NPAS3: variants seen among roughly 807,000 people sequenced by gnomAD.
The protein encoded by NPAS3 is neuronal PAS domain-containing protein 3.
A neutral mutation model predicts 73.1 loss-of-function variants in NPAS3; 14 were observed. The observed-to-expected ratio is 0.19, with a 90% CI of 0.13 to 0.30. The LOEUF is 0.30. Among genes scored for constraint, NPAS3 ranks in the 10% least tolerant of loss-of-function variants. NPAS3 has a pLI of 1.00. For missense variants in NPAS3, 1,096 were observed against 1,250.0 expected, an observed-to-expected ratio of 0.88 and a Z score of 1.86; for synonymous variants, 620 against 541.5, an observed-to-expected ratio of 1.14 and a Z score of -2.01.
intron 2 of NPAS3, among the ~76,000 whole-genome samples, chr14:33,208,499 A>G (rs775758676): frequency 4.6e-5 from 7 of 152,194 alleles, no homozygotes; most frequent in Non-Finnish European, 8.8e-5. Flanking sequence ...CTATTTTACC[A>G]CAAGTCAAAT....
At chr14:33,695,626 T>C (rs1277831344) in intron 6 of NPAS3, among the ~76,000 whole-genome samples, 1 of 152,244 alleles carries the variant, frequency 6.6e-6, no homozygotes, top group African/African-American at 2.4e-5. Context: ...ATATTTTTAA[T>C]TCTACAAATC....
At chr14:33,684,203 T>C (rs1259631454) in intron 6 of NPAS3, among the ~76,000 whole-genome samples, 1 of 146,158 alleles carries the variant, frequency 6.8e-6, no homozygotes, top group Non-Finnish European at 1.5e-5. Flanking sequence ...TATCCTCTTA[T>C]GCACGTATTT....
chr14:33,417,770 A>C (rs2048208483), intron 4 of NPAS3, among the ~76,000 whole-genome samples: 2 of 151,942 alleles, frequency 1.3e-5, no homozygotes. Flanking sequence ...AAAAAAAAAC[A>C]TGAGGAGATC....
At chr14:33,419,733 T>C (rs2048298205) in intron 4 of NPAS3, among the ~76,000 whole-genome samples, 1 of 151,846 alleles carries the variant, frequency 6.6e-6, no homozygotes, top group African/African-American at 2.4e-5. Context: ...GTATAACAAT[T>C]TCTGGGTCTT....
chr14:33,503,040 CA>C, intron 4 of NPAS3, among the ~76,000 whole-genome samples: 1 of 151,936 alleles, frequency 6.6e-6, no homozygotes, highest in Non-Finnish European at 1.5e-5. Context: ...GCAGTTACTT[CA>C]AAAAATGGCA....
rs141884403 is a variant in NPAS3 at position 33,257,214 on chromosome 14, C to A, written c.385+41788C>A. 6.3e-4 allele frequency among the ~76,000 whole-genome samples: 96 copies of A among 152,302 alleles called. No homozygotes were observed. The East Asian group carries it at 0.018, about 29-fold the overall frequency. On this transcript the variant is annotated intron_variant, in intron 3 of 11. Coordinates refer to ENST00000356141, the Ensembl canonical transcript of NPAS3. ...AAACTGATGGTGCCAGGCATGAATG[C>A]CATTGGCTTCCTGCTTGCATGTCTG...
At chr14:33,594,402 G>A (rs986364527) in intron 5 of NPAS3, among the ~76,000 whole-genome samples, 1 of 152,210 alleles carries the variant, frequency 6.6e-6, no homozygotes. Flanking sequence ...GTGGTTGAAT[G>A]AATATCTCAA....
At chr14:33,704,097 C>T (rs550737524) in intron 6 of NPAS3, among the ~76,000 whole-genome samples, 5 of 152,212 alleles carry the variant, frequency 3.3e-5, no homozygotes, top group South Asian at 4.2e-4. Context: ...AAAGAAAACC[C>T]GTAGAAAAGC....
chr14:33,351,091 T>G (rs1472945288), intron 3 of NPAS3, among the ~76,000 whole-genome samples: 1 of 152,216 alleles, frequency 6.6e-6, no homozygotes. Context: ...GAGGCTTTGT[T>G]AAAAGCCTCT....
intron 4 of NPAS3, among the ~76,000 whole-genome samples, chr14:33,482,060 T>TG (rs1374444127): frequency 6.6e-6 from 1 of 151,632 alleles, no homozygotes; most frequent in African/African-American, 2.4e-5. Context: ...CAAGTTTTTT[T>TG]TTTTTTTTTT....
intron 4 of NPAS3, among the ~76,000 whole-genome samples, chr14:33,543,776 C>G (rs1485220596): frequency 6.6e-6 from 1 of 151,940 alleles, no homozygotes; most frequent in East Asian, 1.9e-4. Flanking sequence ...TCAGGGAATT[C>G]AAACCTACAG....
At chr14:33,745,235 C>T (rs1201817151) in intron 7 of NPAS3, among the ~76,000 whole-genome samples, 1 of 152,124 alleles carries the variant, frequency 6.6e-6, no homozygotes, top group Non-Finnish European at 1.5e-5. Flanking sequence ...GGTGACAGAG[C>T]CAGACCAGAG....
chr14:33,138,561 A>G (rs1010574130), intron 2 of NPAS3, among the ~76,000 whole-genome samples: 16 of 152,252 alleles, frequency 1.1e-4, no homozygotes, highest in Admixed American at 1.0e-3. Flanking sequence ...CTGTGATTCC[A>G]TTGTGCTTTC....
At chr14:33,715,655 A>G (rs192247320) in intron 6 of NPAS3, among the ~76,000 whole-genome samples, 88 of 152,300 alleles carry the variant, frequency 5.8e-4, no homozygotes, top group African/African-American at 1.9e-3. Flanking sequence ...CCTCCATCAC[A>G]AGTCTGGGCC....
chr14:33,195,232 A>T (rs1276185377), intron 2 of NPAS3, among the ~76,000 whole-genome samples: 2 of 145,688 alleles, frequency 1.4e-5, no homozygotes, highest in African/African-American at 2.5e-5. Flanking sequence ...CCCACTAGCT[A>T]AAAAAAAAAA....
intron 4 of NPAS3, among the ~76,000 whole-genome samples, chr14:33,438,677 C>G (rs555890288): frequency 1.3e-5 from 2 of 152,150 alleles, no homozygotes; most frequent in Non-Finnish European, 2.9e-5. Context: ...AGAATCCATG[C>G]TCAGAATCAC....
At chr14:33,253,741 A>T (rs1450449443) in intron 3 of NPAS3, among the ~76,000 whole-genome samples, 1 of 151,818 alleles carries the variant, frequency 6.6e-6, no homozygotes, top group Non-Finnish European at 1.5e-5. Flanking sequence ...TGACTGGGTG[A>T]TCTCATTCTG....
chr14:33,089,038 C>CA (rs57623601), intron 2 of NPAS3, among the ~76,000 whole-genome samples: 8 of 144,636 alleles, frequency 5.5e-5, no homozygotes, highest in Admixed American at 6.8e-5. Context: ...TCACCATCAT[C>CA]AAGATGAGGA....
chr14:33,713,206 G>A (rs1241894200), intron 6 of NPAS3, among the ~76,000 whole-genome samples: 1 of 152,168 alleles, frequency 6.6e-6, no homozygotes, highest in Non-Finnish European at 1.5e-5. Flanking sequence ...GTCTCATATA[G>A]TAAGTCGAGA....
Sources: allele counts gnomAD v4.1 joint callset (sites outside exome capture counted in the v4.1 genomes callset), GRCh38; gene constraint gnomAD v4.1.1; transcripts MANE v1.5; gene names NCBI Gene and HGNC (gene_info 2026-07-23, HGNC 2026-07-21).